The following CNTLN variants were observed in gnomAD, a reference collection of about 807,000 sequenced individuals.
CNTLN encodes centlein, also known as centlein, centrosomal protein.
Under a neutral mutation model 180.0 loss-of-function variants are expected in CNTLN, and 212 were observed. The ratio of observed to expected loss-of-function variants is 1.18; its 90% CI spans 1.05 to 1.32. The LOEUF (loss-of-function observed/expected upper bound fraction) is 1.32. CNTLN is among the 40% of genes most tolerant of loss of function. The pLI is 0.00. For missense variants in CNTLN, 2,095 were observed against 1,610.9 expected, an observed-to-expected ratio of 1.30 and a Z score of -5.14; for synonymous variants, 722 against 563.1, an observed-to-expected ratio of 1.28 and a Z score of -3.99.
chr9:17,376,439 T>C lies in CNTLN; in HGVS notation c.1987+9722T>C, dbSNP rs556247814. 9.2e-5 allele frequency among the ~76,000 whole-genome samples: 14 copies of C among 151,488 alleles called. No homozygotes were observed. In the East Asian group the frequency reaches 2.7e-3, roughly 29 times the overall value. The stretch of plus-strand genomic sequence containing the variant: ...TAACCATCTCTTTTTTTTCTTTTTC[T>C]TTTTTTTAAATTTTTTAATTTTTTT... On this transcript the variant is annotated intron_variant, in intron 13 of 25. Coordinates refer to ENST00000380647, the MANE Select transcript of CNTLN (RefSeq NM_017738.4).
intron 15 of CNTLN, among the ~76,000 whole-genome samples, 166 bp from the exon 16 acceptor site, chr9:17,409,127 A>G (rs1421981102): frequency 6.6e-6 from 1 of 152,172 alleles, no homozygotes; most frequent in Non-Finnish European, 1.5e-5. Flanking sequence ...TGTACAATAT[A>G]TTTAGATTCA....
At chr9:17,454,926 T>G (rs78737768) in intron 18 of CNTLN, among the ~76,000 whole-genome samples, 1,563 of 152,272 alleles carry the variant, frequency 0.01, 32 homozygotes, top group African/African-American at 0.036. Context: ...AGTAGAGAAA[T>G]AGGAATCATG....
chr9:17,265,939 A>G (rs1338909301), intron 5 of CNTLN, among the ~76,000 whole-genome samples: 1 of 150,430 alleles, frequency 6.6e-6, no homozygotes, highest in East Asian at 2.0e-4. Context: ...TTTTTTCTTT[A>G]TTATTCTTGC....
chr9:17,392,331 C>G (rs1324950730), intron 14 of CNTLN, among the ~76,000 whole-genome samples: 3 of 152,072 alleles, frequency 2.0e-5, no homozygotes, highest in Non-Finnish European at 4.4e-5. Flanking sequence ...TTTACTCACT[C>G]CCCTTTGGAA....
At chr9:17,262,815 A>G (rs561863081) in intron 5 of CNTLN, among the ~76,000 whole-genome samples, 1 of 151,408 alleles carries the variant, frequency 6.6e-6, no homozygotes, top group Admixed American at 6.6e-5. Context: ...AGCTTTTGCC[A>G]GTATGATCAG....
At chr9:17,220,453 T>C (rs1824055091) in intron 2 of CNTLN, among the ~76,000 whole-genome samples, 1 of 152,120 alleles carries the variant, frequency 6.6e-6, no homozygotes, top group African/African-American at 2.4e-5. Flanking sequence ...AGGTTTGTAA[T>C]GTAGTTAAAT....
In CNTLN at chr9:17,200,145, T is replaced by G. The variant is rs917925017; in HGVS notation, c.450-26058T>G. ...TCAGGTTTGGCAAAGATCAGATGGTTGTAGATGTGTGATGTTACTTCTGAG... is the reference window on the plus strand; with the variant it reads ...TCAGGTTTGGCAAAGATCAGATGGTGGTAGATGTGTGATGTTACTTCTGAG... On this transcript the variant is annotated intron_variant, in intron 2 of 25. Transcript: ENST00000380647. Among the ~76,000 whole-genome samples the G allele has an allele frequency of 3.0e-4, 46 of 152,298 alleles. 1 individual carries two copies. The highest frequency in any genetic ancestry group is 1.1e-3 in the African/African-American group (45 of 41,574).
At chr9:17,388,374 A>C (rs916880979) in intron 14 of CNTLN, 121 bp downstream of exon 14, 2 of 627,906 alleles carry the variant, frequency 3.2e-6, no homozygotes, top group Admixed American at 2.7e-5. Context: ...ATTTAAATTC[A>C]TAATTCAAAA....
chr9:17,456,524 T>G (rs1831125399), intron 18 of CNTLN, among the ~76,000 whole-genome samples: 1 of 152,170 alleles, frequency 6.6e-6, no homozygotes, highest in Admixed American at 6.5e-5. Context: ...GTATAGTTTC[T>G]AGAAATTGTG....
intron 8 of CNTLN, among the ~76,000 whole-genome samples, chr9:17,322,945 C>G (rs1340248684): frequency 6.6e-6 from 1 of 152,020 alleles, no homozygotes; most frequent in Non-Finnish European, 1.5e-5. Context: ...AAAATGTATG[C>G]CTTGATAACT....
At chr9:17,491,709 T>C (rs1833171503) in intron 25 of CNTLN, among the ~76,000 whole-genome samples, 1 of 152,158 alleles carries the variant, frequency 6.6e-6, no homozygotes. Context: ...GTAAAGACTT[T>C]GATCAGTGGC....
Position 17,237,781 on chromosome 9 carries a change from T to G in CNTLN, c.849+1193T>G, listed in dbSNP as rs141281674. On this transcript the variant is annotated intron_variant, in intron 5 of 25. Transcript: ENST00000380647. Reference sequence around the variant, plus strand: ...TGTATATGCATGTGTGCAAGAATATTTAAGTTAGGGGAGAAGGATACATCT... The same window carrying G: ...TGTATATGCATGTGTGCAAGAATATGTAAGTTAGGGGAGAAGGATACATCT... Among the ~76,000 whole-genome samples, 1,453 of 151,872 alleles carry G rather than the reference T, an allele frequency of 9.6e-3. 14 individuals carry two copies. Among genetic ancestry groups the G allele is most frequent in the South Asian group, 0.056 (268 of 4,804 alleles).
chr9:17,399,012 A>C (rs1826756692), intron 15 of CNTLN, among the ~76,000 whole-genome samples: 3 of 152,344 alleles, frequency 2.0e-5, no homozygotes, highest in African/African-American at 7.2e-5. Flanking sequence ...AAGCTACGTT[A>C]ACACATTTTA....
chr9:17,240,001 C>T (rs1282962604), intron 5 of CNTLN, among the ~76,000 whole-genome samples: 1 of 152,104 alleles, frequency 6.6e-6, no homozygotes, highest in African/African-American at 2.4e-5. Flanking sequence ...GCCAAAAAGG[C>T]CATCAGAGAG....
chr9:17,462,978 A>G lies in CNTLN; in HGVS notation c.3369A>G (p.Leu1123=), dbSNP rs747956844. The G allele has an allele frequency of 4.4e-6, 7 of 1,585,514 alleles. No homozygotes were observed. In the South Asian group the frequency reaches 6.9e-5, roughly 16 times the overall value. The part of the protein sequence containing the change: ...SNVKTLKFEL[L]AKEEHIKEMH... ...TGAAGACTTTGAAATTTGAACTCCT[A>G]GCAAAAGAAGAACACATAAAGGAAA... Residue 1123 remains leucine (L), a synonymous_variant, in exon 20 of 26, where the codon CTA becomes CTG. Coordinates refer to ENST00000380647, the MANE Select transcript of CNTLN (RefSeq NM_017738.4).
intron 13 of CNTLN, among the ~76,000 whole-genome samples, chr9:17,375,089 TA>T (rs1421335912): frequency 6.6e-6 from 1 of 152,154 alleles, no homozygotes; most frequent in Non-Finnish European, 1.5e-5. Context: ...TATTCAGCCA[TA>T]AAAGAATTGA....
intron 8 of CNTLN, among the ~76,000 whole-genome samples, chr9:17,327,845 C>T (rs1270288020): frequency 6.6e-6 from 1 of 151,826 alleles, no homozygotes; most frequent in African/African-American, 2.4e-5. Context: ...CCCAGCTACT[C>T]AGGAGGCTGA....
At chr9:17,235,526 T>C in intron 3 of CNTLN, 132 bp from the exon 4 acceptor site, 1 of 690,638 alleles carries the variant, frequency 1.4e-6, no homozygotes, top group Non-Finnish European at 2.3e-6. Context: ...GAGATGAGAA[T>C]TGTGGTGACA....
In CNTLN at chr9:17,135,278, G is replaced by A. The variant is rs200731719; in HGVS notation, c.213G>A (p.Gly71=). The A allele has an allele frequency of 1.2e-6, 2 of 1,601,056 alleles. No individual in the cohort carries two copies. The highest frequency in any genetic ancestry group is 2.3e-5 in the South Asian group (2 of 88,394). The change falls in exon 1 of 26, where the codon GGG becomes GGA. Residue 71 remains glycine, a synonymous_variant. Transcript: ENST00000380647. ...EGSGGRRGPG[G]AAPAHAPLLS... ...CAGGGGGCCGGCGAGGGCCTGGGGG[G>A]GCAGCTCCGGCTCATGCTCCCCTCC...
Sources: allele counts gnomAD v4.1 joint callset (sites outside exome capture counted in the v4.1 genomes callset), GRCh38; gene constraint gnomAD v4.1.1; transcripts MANE v1.5; gene names NCBI Gene and HGNC (gene_info 2026-07-23, HGNC 2026-07-21).